The following ZKSCAN5 variants were observed in gnomAD, a reference collection of about 807,000 sequenced individuals.
The protein encoded by ZKSCAN5 is zinc finger protein with KRAB and SCAN domains 5.
ZKSCAN5 carries 28 observed loss-of-function variants against 60.0 expected under a neutral mutation model. The ratio of observed to expected loss-of-function variants is 0.47; its 90% confidence interval spans 0.35 to 0.64. The LOEUF (loss-of-function observed/expected upper bound fraction) is 0.64. ZKSCAN5 is among the 30% of genes least tolerant of loss of function. The probability of loss-of-function intolerance (pLI) is 0.01; values close to 1 mark genes in which losing one functional copy is unlikely to be tolerated. For missense variants in ZKSCAN5, 881 were observed against 1,034.6 expected (o/e 0.85, Z 2.04); for synonymous variants, 361 against 371.2 (o/e 0.97, Z 0.31).
Position 99,506,172 on chromosome 7 carries a change from C to G in ZKSCAN5, c.128C>G (p.Pro43Arg), listed in dbSNP as rs1314403571. ...EDCTWMQEYN[P>R]PTFETFYQRF... ...TGCACCTGGATGCAGGAGTACAACCCGCCAACGTTTGAGACTTTTTACCAG... is the reference window on the plus strand; with the variant it reads ...TGCACCTGGATGCAGGAGTACAACCGGCCAACGTTTGAGACTTTTTACCAG... The change falls in exon 2 of 7, where the codon CCG (proline) becomes CGG (arginine). Residue 43 changes from proline (P) to arginine (R), a missense_variant. This residue lies in a region of ZKSCAN5 where 88 missense variants were observed against 65.2 expected (regional missense o/e 1.35). Transcript: ENST00000326775. 2 of 1,614,142 alleles carry G rather than the reference C, an allele frequency of 1.2e-6. No homozygotes were observed. Among genetic ancestry groups the G allele is most frequent in the Non-Finnish European group, 1.7e-6 (2 of 1,180,026 alleles).
At chr7:99,513,586 G>T (rs1801138553) in intron 3 of ZKSCAN5, among the ~76,000 whole-genome samples, 1 of 151,944 alleles carries the variant, frequency 6.6e-6, no homozygotes, top group Non-Finnish European at 1.5e-5. Context: ...TAAAGATGGG[G>T]TTTCACCATG....
intron 3 of ZKSCAN5, among the ~76,000 whole-genome samples, chr7:99,518,248 C>T (rs1039776813): frequency 6.6e-5 from 10 of 151,946 alleles, no homozygotes; most frequent in African/African-American, 2.4e-4. Context: ...TGGTGACACC[C>T]TGTCACTACT....
At position 99,506,424 on chromosome 7, in the gene ZKSCAN5, A is replaced by C; in HGVS notation, c.380A>C (p.Asn127Thr). Reference sequence around the variant, plus strand: ...GAAGAGGCGGTGGCCGTGATAGAAAATATACAGCGAGAACTTGAGGAACGC... The same window carrying C: ...GAAGAGGCGGTGGCCGTGATAGAAACTATACAGCGAGAACTTGAGGAACGC... The part of the protein sequence containing the change: ...SGEEAVAVIE[N>T]IQRELEERRQ... The change falls in exon 2 of 7, where the codon AAT (asparagine) becomes ACT (threonine). Residue 127 changes from asparagine (N) to threonine (T), a missense_variant. Physicochemically the swap from Asn to Thr is moderately conservative, Grantham distance 65. Transcript: ENST00000326775. The C allele has an allele frequency of 6.2e-7, 1 of 1,613,744 alleles. No individual in the cohort carries two copies.
In ZKSCAN5 at chr7:99,531,810, G is replaced by C; in HGVS notation, c.2081G>C (p.Cys694Ser). 6.2e-7 allele frequency: 1 copy of C among 1,614,212 alleles called. No individual in the cohort carries two copies. ...MGQKNEKNGI[C>S]EEAYSWNLTV... The stretch of plus-strand genomic sequence containing the variant: ...CAGAAAAATGAAAAAAATGGCATCT[G>C]TGAGGAAGCATATAGTTGGAACTTG... The change falls in exon 7 of 7, where the codon TGT becomes TCT. Residue 694 changes from cysteine to serine, a missense_variant. Physicochemically the swap from Cys to Ser is moderately radical, Grantham distance 112 (BLOSUM62 -1). Transcript: ENST00000326775.
At chr7:99,523,214 G>A (rs907127587) in intron 5 of ZKSCAN5, among the ~76,000 whole-genome samples, 2 of 151,284 alleles carry the variant, frequency 1.3e-5, no homozygotes, top group Non-Finnish European at 2.9e-5. Flanking sequence ...AGCTGATGTT[G>A]GGAGATCCCT....
At chr7:99,527,666 G>C (rs1380142388) in intron 6 of ZKSCAN5, among the ~76,000 whole-genome samples, 1 of 151,968 alleles carries the variant, frequency 6.6e-6, no homozygotes, top group African/African-American at 2.4e-5. Flanking sequence ...GTTTATGCCT[G>C]TGACTTTTTC....
At chr7:99,521,252 C>CA (rs2151108575) in intron 5 of ZKSCAN5, among the ~76,000 whole-genome samples, 1 of 152,232 alleles carries the variant, frequency 6.6e-6, no homozygotes, top group East Asian at 1.9e-4. Flanking sequence ...GGCTGGAGTA[C>CA]AATGGCGCAA....
intron 2 of ZKSCAN5, 152 bp from the exon 3 acceptor site, chr7:99,512,301 T>A: frequency 1.1e-6 from 1 of 895,444 alleles, no homozygotes; most frequent in Non-Finnish European, 1.6e-6. Flanking sequence ...TAAACCATGT[T>A]TATTAAGTAA....
intron 2 of ZKSCAN5, among the ~76,000 whole-genome samples, chr7:99,508,100 C>G (rs1212718961): frequency 4.6e-5 from 7 of 151,452 alleles, no homozygotes; most frequent in Admixed American, 3.3e-4. Flanking sequence ...AAGATCGAGA[C>G]CATCCTGGCC....
intron 3 of ZKSCAN5, among the ~76,000 whole-genome samples, chr7:99,519,010 C>G (rs1801398232): frequency 7.0e-6 from 1 of 142,912 alleles, no homozygotes; most frequent in African/African-American, 2.6e-5. Context: ...GAGTCTTGCT[C>G]TGTCACCCAG....
At chr7:99,505,287 G>C (rs572328897) in intron 1 of ZKSCAN5, 1 of 152,386 alleles carries the variant, frequency 6.6e-6, no homozygotes, top group African/African-American at 2.4e-5. Flanking sequence ...AAGTGTTGGG[G>C]AGTGTCGGCT....
Position 99,520,156 on chromosome 7 carries a change from TCTC to T in ZKSCAN5, c.637-10_637-8del, listed in dbSNP as rs1170305749. The T allele has an allele frequency of 8.1e-6, 13 of 1,612,438 alleles. No homozygotes were observed. Among genetic ancestry groups the T allele is most frequent in the Non-Finnish European group, 1.1e-5 (13 of 1,179,544 alleles). ...ATAGGGAATGAGAATTTAGTGGAGA[TCTC>T]CTGTTTCAGAAGTTGGTGAAAATTG... On this transcript the variant is annotated splice_polypyrimidine_tract_variant and intron_variant, in intron 4 of 6. Transcript: ENST00000326775.
In ZKSCAN5 at chr7:99,520,922, T is replaced by C. The variant is rs193159803; in HGVS notation, c.772+618T>C. ...GACTTCATTACCATTCTTAAGTCAC[T>C]GATACCTATTTTATTATGTTCGCCT... On this transcript the variant is annotated intron_variant, in intron 5 of 6. Transcript: ENST00000326775. Among the ~76,000 whole-genome samples the C allele has an allele frequency of 1.3e-4, 20 of 152,274 alleles. No individual in the cohort carries two copies. The East Asian group carries it at 3.1e-3, about 24-fold the overall frequency.
intron 5 of ZKSCAN5, 149 bp downstream of exon 5, chr7:99,520,453 C>CGT: frequency 1.2e-6 from 1 of 861,856 alleles, no homozygotes; most frequent in African/African-American, 3.3e-5. Flanking sequence ...AATCAGCCTT[C>CGT]ATTTTTTTTT....
At chr7:99,506,557 C>G in intron 2 of ZKSCAN5, 99 bp downstream of exon 2, 2 of 1,404,292 alleles carry the variant, frequency 1.4e-6, no homozygotes, top group South Asian at 3.0e-5. Context: ...CATTCATATT[C>G]TTTTGTTCTC....
chr7:99,505,904 A>T, intron 1 of ZKSCAN5, 101 bp from the exon 2 acceptor site: 1 of 1,014,088 alleles, frequency 9.9e-7, no homozygotes, highest in Non-Finnish European at 1.4e-6. Flanking sequence ...CCTCTTTGCC[A>T]TCTGTCTTTG....
chr7:99,520,343 A>G lies in ZKSCAN5; in HGVS notation c.772+39A>G, dbSNP rs951254404. 8 of 1,563,920 alleles carry G rather than the reference A, an allele frequency of 5.1e-6. No individual in the cohort carries two copies. In the African/African-American group the frequency reaches 1.1e-4, roughly 22 times the overall value. On this transcript the variant is annotated intron_variant, in intron 5 of 6. Transcript: ENST00000326775. Reference sequence around the variant, plus strand: ...CATCTGCATGGATTAGGACATGTTTATTTTGTTATCTTGTAAAGAGTATTT... The same window carrying G: ...CATCTGCATGGATTAGGACATGTTTGTTTTGTTATCTTGTAAAGAGTATTT...
At chr7:99,518,608 A>G (rs1348278741) in intron 3 of ZKSCAN5, among the ~76,000 whole-genome samples, 1 of 149,090 alleles carries the variant, frequency 6.7e-6, no homozygotes, top group African/African-American at 2.5e-5. Flanking sequence ...TTCATGGAAG[A>G]TGTGGGAATT....
chr7:99,520,731 AGCT>A (rs1801499513), intron 5 of ZKSCAN5, among the ~76,000 whole-genome samples: 1 of 152,018 alleles, frequency 6.6e-6, no homozygotes, highest in Non-Finnish European at 1.5e-5. Context: ...CAGGTGTGGT[AGCT>A]CATGCCTGTA....
Sources: allele counts gnomAD v4.1 joint callset (sites outside exome capture counted in the v4.1 genomes callset), GRCh38; gene constraint gnomAD v4.1.1; regional missense constraint gnomAD v4.1.1; transcripts MANE v1.5; gene names NCBI Gene and HGNC (gene_info 2026-07-23, HGNC 2026-07-21).